The following KCNQ5 variants were observed in gnomAD, a reference collection of about 807,000 sequenced individuals.
KCNQ5 encodes the protein potassium voltage-gated channel subfamily KQT member 5.
A neutral mutation model predicts 98.2 loss-of-function variants in KCNQ5; 30 were observed. The ratio of observed to expected loss-of-function variants is 0.31; its 90% CI spans 0.23 to 0.41. The LOEUF (loss-of-function observed/expected upper bound fraction) is 0.41, where lower values mean the gene tolerates loss of function less well. Ranked by LOEUF, KCNQ5 falls within the 10% of genes least tolerant of loss-of-function variation. The probability of loss-of-function intolerance (pLI) is 1.00; values close to 1 mark genes in which losing one functional copy is unlikely to be tolerated. For missense variants in KCNQ5, 835 were observed against 1,182.5 expected (o/e 0.71, Z 4.31); for synonymous variants, 458 against 449.4 (o/e 1.02, Z -0.24).
chr6:72,987,376 C>A, intron 1 of KCNQ5: 1 of 718,468 alleles, frequency 1.4e-6, no homozygotes, highest in South Asian at 1.3e-5. Flanking sequence ...GATCGAGAGT[C>A]AGGCAAAACG....
At chr6:72,886,873 A>C (rs1337571068) in intron 1 of KCNQ5, among the ~76,000 whole-genome samples, 1 of 152,256 alleles carries the variant, frequency 6.6e-6, no homozygotes, top group East Asian at 1.9e-4. Flanking sequence ...AAAAACTGGA[A>C]CTAAATAATT....
intron 1 of KCNQ5, among the ~76,000 whole-genome samples, chr6:72,675,825 AT>A (rs1193685847): frequency 7.2e-5 from 11 of 152,182 alleles, no homozygotes; most frequent in Non-Finnish European, 1.5e-4. Flanking sequence ...TTTTCCAGTG[AT>A]TTATGAGATG....
intron 1 of KCNQ5, among the ~76,000 whole-genome samples, chr6:72,980,771 TC>T (rs1319103415): frequency 3.9e-5 from 6 of 152,200 alleles, no homozygotes; most frequent in Non-Finnish European, 1.5e-5. Context: ...AGGAAATGCT[TC>T]CAGTTTTTGC....
intron 3 of KCNQ5, chr6:73,055,826 T>C: frequency 1.3e-6 from 1 of 761,650 alleles, no homozygotes; most frequent in Non-Finnish European, 2.3e-6. Context: ...GCCATGGAAG[T>C]TGTGGCTGCC....
intron 9 of KCNQ5, among the ~76,000 whole-genome samples, chr6:73,131,887 C>G (rs1582415609): frequency 6.6e-6 from 1 of 152,200 alleles, no homozygotes; most frequent in South Asian, 2.1e-4. Flanking sequence ...GTGCCTTCAG[C>G]GAGTCATGCT....
At chr6:72,768,994 T>C (rs368574790) in intron 1 of KCNQ5, among the ~76,000 whole-genome samples, 4 of 152,006 alleles carry the variant, frequency 2.6e-5, no homozygotes. Flanking sequence ...TATGGAAAAA[T>C]AGCCACTCTG....
chr6:73,160,052 C>T (rs952094549), intron 10 of KCNQ5, among the ~76,000 whole-genome samples: 1 of 152,200 alleles, frequency 6.6e-6, no homozygotes. Context: ...CTCGCTCTGT[C>T]GCCCAGGCTG....
chr6:73,114,816 G>T (rs1005074396), intron 7 of KCNQ5, among the ~76,000 whole-genome samples: 6 of 152,094 alleles, frequency 3.9e-5, no homozygotes, highest in Non-Finnish European at 7.4e-5. Flanking sequence ...AATAAATGTT[G>T]GTAGGGATAG....
chr6:72,733,265 A>C (rs1229182927), intron 1 of KCNQ5, among the ~76,000 whole-genome samples: 1 of 152,212 alleles, frequency 6.6e-6, no homozygotes, highest in African/African-American at 2.4e-5. Context: ...AGAAGGAACC[A>C]AAAACAAGGA....
Position 72,940,374 on chromosome 6 carries a change from T to G in KCNQ5, c.399-63534T>G, listed in dbSNP as rs571247717. Among the ~76,000 whole-genome samples, 25 of 152,366 alleles carry G rather than the reference T, an allele frequency of 1.6e-4. 2 individuals carry two copies. The highest frequency in any genetic ancestry group is 1.6e-3 in the Admixed American group (24 of 15,304). ...AACTTTTTTGCCTGGCTCTGATACT[T>G]GTTTTCATGCCCAGGACAGGTGTTG... is the stretch of plus-strand genomic sequence containing the variant. On this transcript the variant is annotated intron_variant, in intron 1 of 13. Transcript: ENST00000370398.
At position 72,684,459 on chromosome 6, in the gene KCNQ5, T is replaced by C. The variant is rs528413803; in HGVS notation, c.398+61872T>C. ...TCCACAGAGGCAGACAGTAAAAGTT[T>C]CCAAAAATCTTTCATCAGTGTCTTT... On this transcript the variant is annotated intron_variant, in intron 1 of 13. Coordinates refer to ENST00000370398, the MANE Select transcript of KCNQ5 (RefSeq NM_019842.4). Among the ~76,000 whole-genome samples, 14 of 152,360 alleles carry C rather than the reference T, an allele frequency of 9.2e-5. No homozygotes were observed. In the East Asian group the frequency reaches 2.7e-3, roughly 29 times the overall value.
rs140107675 is a variant in KCNQ5 at position 73,093,292 on chromosome 6, C to G, written c.919-11965C>G. Among the ~76,000 whole-genome samples, 284 of 152,218 alleles carry G rather than the reference C, an allele frequency of 1.9e-3. 6 individuals carry two copies. In the East Asian group the frequency reaches 0.045, roughly 24 times the overall value. ...CTTCTTGAGCTAATTTGCATTTTCT[C>G]TCTTCTTTTTATGGTTAATCTTGCT... On this transcript the variant is annotated intron_variant, in intron 5 of 13. Coordinates refer to ENST00000370398, the MANE Select transcript of KCNQ5 (RefSeq NM_019842.4).
intron 11 of KCNQ5, among the ~76,000 whole-genome samples, chr6:73,177,888 G>A (rs937249610): frequency 7.9e-5 from 12 of 152,232 alleles, no homozygotes; most frequent in African/African-American, 2.9e-4. Context: ...AATTAGTTGT[G>A]GCTACATTTG....
chr6:73,020,912 C>T (rs1770576879), intron 2 of KCNQ5, among the ~76,000 whole-genome samples: 1 of 148,210 alleles, frequency 6.7e-6, no homozygotes, highest in South Asian at 2.1e-4. Context: ...TTAAAGGTGC[C>T]CACACATGCA....
intron 3 of KCNQ5, among the ~76,000 whole-genome samples, chr6:73,076,723 C>T (rs1231103540): frequency 6.6e-6 from 1 of 152,174 alleles, no homozygotes; most frequent in East Asian, 1.9e-4. Flanking sequence ...ATACAGGAAG[C>T]ATAGAGTATT....
chr6:72,760,892 A>C (rs1772235953), intron 1 of KCNQ5, among the ~76,000 whole-genome samples: 1 of 152,174 alleles, frequency 6.6e-6, no homozygotes, highest in Admixed American at 6.6e-5. Context: ...CTTCTTTCAC[A>C]TTCTGTGCTT....
chr6:73,020,596 GC>G (rs1365480289), intron 2 of KCNQ5, among the ~76,000 whole-genome samples: 3 of 152,060 alleles, frequency 2.0e-5, no homozygotes, highest in Non-Finnish European at 4.4e-5. Flanking sequence ...TTAACATTCA[GC>G]CCCTTTCCCG....
intron 1 of KCNQ5, among the ~76,000 whole-genome samples, chr6:72,785,646 A>C (rs1207499730): frequency 6.8e-5 from 5 of 73,734 alleles, no homozygotes; most frequent in Admixed American, 6.6e-4. Flanking sequence ...GCAAAACTCC[A>C]TCTCAAAAAA....
intron 1 of KCNQ5, among the ~76,000 whole-genome samples, chr6:72,958,628 G>T (rs1456888465): frequency 6.6e-6 from 1 of 152,166 alleles, no homozygotes; most frequent in African/African-American, 2.4e-5. Flanking sequence ...AACAGAATAT[G>T]AAAACCATAT....
Sources: allele counts gnomAD v4.1 joint callset (sites outside exome capture counted in the v4.1 genomes callset), GRCh38; gene constraint gnomAD v4.1.1; transcripts MANE v1.5; gene names NCBI Gene and HGNC (gene_info 2026-07-23, HGNC 2026-07-21).